The following ARID2 variants were observed in gnomAD, a reference collection of about 807,000 sequenced individuals.
The protein encoded by ARID2 is AT-rich interactive domain-containing protein 2.
ARID2 carries 32 observed loss-of-function variants against 184.6 expected under a neutral mutation model. The ratio of observed to expected loss-of-function variants is 0.17; its 90% CI spans 0.13 to 0.23. ARID2 has a LOEUF of 0.23. Among genes scored for constraint, ARID2 ranks in the 10% least tolerant of loss-of-function variants. The pLI is 1.00. For synonymous variants in ARID2, 836 were observed against 772.6 expected (o/e 1.08, Z -1.36); for missense variants, 1,696 against 2,197.6 (o/e 0.77, Z 4.56).
intron 11 of ARID2, among the ~76,000 whole-genome samples, chr12:45,845,721 C>A (rs1211622762): frequency 6.6e-6 from 1 of 152,130 alleles, no homozygotes; most frequent in Non-Finnish European, 1.5e-5. Context: ...TTTGGCTGTA[C>A]TATGGAGCTT....
At chr12:45,781,778 T>C (rs1318231428) in intron 3 of ARID2, among the ~76,000 whole-genome samples, 1 of 152,224 alleles carries the variant, frequency 6.6e-6, no homozygotes, top group Non-Finnish European at 1.5e-5. Flanking sequence ...AAGCTGCTTA[T>C]TGTATCCTAT....
intron 3 of ARID2, among the ~76,000 whole-genome samples, chr12:45,766,459 C>T (rs554416872): frequency 6.6e-6 from 1 of 152,132 alleles, no homozygotes; most frequent in Non-Finnish European, 1.5e-5. Flanking sequence ...TGAGCCACCC[C>T]ACCTGGCCAA....
intron 8 of ARID2, 66 bp downstream of exon 8, chr12:45,837,057 A>C: frequency 6.5e-7 from 1 of 1,543,542 alleles, no homozygotes; most frequent in Non-Finnish European, 8.7e-7. Flanking sequence ...CAATTTTAGG[A>C]TGTGGCATTT....
chr12:45,808,316 A>G (rs2408436), intron 3 of ARID2, among the ~76,000 whole-genome samples: 23,070 of 152,194 alleles, frequency 0.15, 2,121 homozygotes, highest in Admixed American at 0.21. Flanking sequence ...CCTTGTGCTT[A>G]TTTATTGAGA....
chr12:45,801,146 A>G (rs1942490835), intron 3 of ARID2, among the ~76,000 whole-genome samples: 1 of 152,082 alleles, frequency 6.6e-6, no homozygotes, highest in African/African-American at 2.4e-5. Flanking sequence ...CCTCATCTCT[A>G]CTAAAAATAC....
intron 3 of ARID2, among the ~76,000 whole-genome samples, chr12:45,753,900 T>C (rs977214495): frequency 1.3e-5 from 2 of 152,150 alleles, no homozygotes; most frequent in African/African-American, 2.4e-5. Context: ...ACAACTTGCT[T>C]ACCCACCTTA....
chr12:45,741,682 G>A (rs1941260899), intron 3 of ARID2, among the ~76,000 whole-genome samples: 3 of 152,138 alleles, frequency 2.0e-5, no homozygotes, highest in Admixed American at 6.5e-5. Context: ...TTATTCTTGA[G>A]CCCTTCCTTT....
rs1394629306 is a variant in ARID2 at position 45,811,477 on chromosome 12, C to G, written c.344C>G (p.Pro115Arg). The G allele has an allele frequency of 6.2e-6, 10 of 1,613,708 alleles. No individual in the cohort carries two copies. The highest frequency in any genetic ancestry group is 8.5e-6 in the Non-Finnish European group (10 of 1,179,774). ...GGGGAGGATGATGATGAGGTACCACCAGGCAATCCAAAGCCACAGCTTCCT... is the reference window on the plus strand; with the variant it reads ...GGGGAGGATGATGATGAGGTACCACGAGGCAATCCAAAGCCACAGCTTCCT... The part of the protein sequence containing the change: ...HFGEDDDEVP[P>R]GNPKPQLPIG... The change falls in exon 4 of 21, where the codon CCA (proline) becomes CGA (arginine). Residue 115 changes from proline to arginine, a missense_variant. Transcript: ENST00000334344.
intron 3 of ARID2, among the ~76,000 whole-genome samples, chr12:45,792,826 G>A (rs1942317590): frequency 6.6e-6 from 1 of 152,082 alleles, no homozygotes; most frequent in South Asian, 2.1e-4. Flanking sequence ...ATGTTAAAGT[G>A]TGTTATCTGA....
chr12:45,824,551 A>G (rs1308053389), intron 6 of ARID2, among the ~76,000 whole-genome samples: 1 of 152,072 alleles, frequency 6.6e-6, no homozygotes, highest in Non-Finnish European at 1.5e-5. Context: ...TCATCAGGAA[A>G]ATGTAAATGA....
In ARID2 at chr12:45,851,911, T is replaced by C. The variant is rs2138174578; in HGVS notation, c.3788T>C (p.Ile1263Thr). Reference protein sequence around the residue: ...ATGLHVHERKIEVMENPSCRR... With the variant: ...ATGLHVHERKTEVMENPSCRR... ...GGTTTACATGTTCATGAACGTAAAA[T>C]TGAAGTCATGGAGAACCCGTCCTGC... is the stretch of plus-strand genomic sequence containing the variant. Residue 1263 changes from isoleucine to threonine, a missense_variant, in exon 15 of 21, where the codon ATT becomes ACT. Ile to Thr is a moderately conservative substitution (Grantham distance 89). This residue lies in a region of ARID2 where 428 missense variants were observed against 409.1 expected (regional missense o/e 1.05). Coordinates refer to ENST00000334344, the MANE Select transcript of ARID2 (RefSeq NM_152641.4). The C allele has an allele frequency of 6.2e-7, 1 of 1,614,146 alleles. No individual in the cohort carries two copies. The highest frequency in any genetic ancestry group is 8.5e-7 in the Non-Finnish European group (1 of 1,180,002).
chr12:45,834,740 A>G (rs1943184946), intron 6 of ARID2, among the ~76,000 whole-genome samples: 3 of 152,212 alleles, frequency 2.0e-5, no homozygotes, highest in Admixed American at 6.5e-5. Flanking sequence ...ATTCCGTCTC[A>G]ATGAAAAGAA....
intron 10 of ARID2, 128 bp from the exon 11 acceptor site, chr12:45,839,201 G>T: frequency 1.1e-6 from 1 of 934,334 alleles, no homozygotes; most frequent in Non-Finnish European, 1.5e-6. Context: ...AGGTAATTCT[G>T]ATGTACTGTG....
At chr12:45,824,324 A>G (rs1251196981) in intron 6 of ARID2, among the ~76,000 whole-genome samples, 1 of 152,110 alleles carries the variant, frequency 6.6e-6, no homozygotes, top group Non-Finnish European at 1.5e-5. Flanking sequence ...TCATCATACC[A>G]AATAGGGGAA....
intron 3 of ARID2, among the ~76,000 whole-genome samples, chr12:45,770,235 A>G (rs1168723719): frequency 2.6e-5 from 4 of 152,188 alleles, no homozygotes; most frequent in Admixed American, 2.0e-4. Context: ...CCTGGGCGAC[A>G]GAGCGAGACT....
Position 45,907,964 on chromosome 12 carries a change from G to A in ARID2, c.*2886G>A, listed in dbSNP as rs938842599. On this transcript the variant is annotated 3_prime_UTR_variant, in exon 21 of 21. Coordinates refer to ENST00000334344, the MANE Select transcript of ARID2 (RefSeq NM_152641.4). ...TAATCCAACCCACACCTGAGAACTC[G>A]TCTCATTACTTTATAGTCATGTCAT... 5 of 230,734 alleles carry A rather than the reference G, an allele frequency of 2.2e-5. No homozygotes were observed. The highest frequency in any genetic ancestry group is 6.2e-5 in the East Asian group (1 of 16,204). The allele number at this position is 230,734 out of a possible 1,614,324, so 14.3% of individuals were successfully genotyped here.
At chr12:45,886,994 T>C (rs1944202727) in intron 16 of ARID2, among the ~76,000 whole-genome samples, 1 of 152,226 alleles carries the variant, frequency 6.6e-6, no homozygotes, top group Non-Finnish European at 1.5e-5. Flanking sequence ...CCTTGTTACT[T>C]ATACAAATTC....
At chr12:45,830,456 T>C (rs1368551765) in intron 6 of ARID2, among the ~76,000 whole-genome samples, 4 of 152,108 alleles carry the variant, frequency 2.6e-5, no homozygotes, top group Non-Finnish European at 4.4e-5. Context: ...AAAACTACGG[T>C]AGAGACAGTC....
chr12:45,900,642 C>T (rs553689070), intron 20 of ARID2, among the ~76,000 whole-genome samples: 12 of 152,270 alleles, frequency 7.9e-5, no homozygotes, highest in Admixed American at 2.0e-4. Context: ...AATCCCTTTT[C>T]GTTGAAACCC....
Sources: allele counts gnomAD v4.1 joint callset (sites outside exome capture counted in the v4.1 genomes callset), GRCh38; gene constraint gnomAD v4.1.1; regional missense constraint gnomAD v4.1.1; transcripts MANE v1.5; gene names NCBI Gene and HGNC (gene_info 2026-07-23, HGNC 2026-07-21).